The following CYRIB variants were observed in gnomAD, a reference collection of about 807,000 sequenced individuals.
CYRIB encodes CYFIP related Rac1 interactor B, also known as CYFIP-related Rac1 interactor B.
In CYRIB, 8 loss-of-function variants were observed where a neutral mutation model predicts 44.2. The ratio of observed to expected loss-of-function variants is 0.18; its 90% CI spans 0.11 to 0.33. CYRIB has a LOEUF of 0.33. CYRIB is among the 10% of genes least tolerant of loss of function. The probability of loss-of-function intolerance (pLI) is 1.00; values close to 1 mark genes in which losing one functional copy is unlikely to be tolerated. For missense variants in CYRIB, 185 were observed against 382.8 expected, an observed-to-expected ratio of 0.48 and a Z score of 4.31; for synonymous variants, 131 against 127.2, an observed-to-expected ratio of 1.03 and a Z score of -0.20.
At chr8:129,916,085 C>G (rs1197423985) in intron 1 of CYRIB, among the ~76,000 whole-genome samples, 1 of 152,106 alleles carries the variant, frequency 6.6e-6, no homozygotes, top group Non-Finnish European at 1.5e-5. Context: ...AAAGTTGAGA[C>G]CCAGAAAGGT....
chr8:129,848,892 G>C (rs1408473619), intron 10 of CYRIB, among the ~76,000 whole-genome samples: 1 of 152,136 alleles, frequency 6.6e-6, no homozygotes. Context: ...CTTTTTATAT[G>C]CATTCTGAAA....
intron 9 of CYRIB, chr8:129,850,189 T>A (rs1043803339): frequency 2.0e-5 from 3 of 152,560 alleles, no homozygotes; most frequent in African/African-American, 7.2e-5. Flanking sequence ...CTTTGGACCA[T>A]CATATATGTG....
At chr8:129,913,898 C>T (rs544038642) in intron 1 of CYRIB, among the ~76,000 whole-genome samples, 2 of 152,276 alleles carry the variant, frequency 1.3e-5, no homozygotes, top group South Asian at 4.1e-4. Flanking sequence ...CATAAATACA[C>T]TTTTTCTAAA....
At chr8:129,873,994 C>T (rs2058273939) in intron 3 of CYRIB, among the ~76,000 whole-genome samples, 1 of 151,906 alleles carries the variant, frequency 6.6e-6, no homozygotes, top group African/African-American at 2.4e-5. Flanking sequence ...GTAAGCACTA[C>T]TTTACTGAAA....
chr8:129,978,408 G>A (rs2096057157), intron 1 of CYRIB, among the ~76,000 whole-genome samples: 1 of 152,182 alleles, frequency 6.6e-6, no homozygotes, highest in Non-Finnish European at 1.5e-5. Flanking sequence ...TGAACTTGTA[G>A]GAAAAACTGC....
At chr8:129,920,601 A>C (rs1324739293) in intron 1 of CYRIB, among the ~76,000 whole-genome samples, 5 of 152,156 alleles carry the variant, frequency 3.3e-5, no homozygotes, top group Admixed American at 3.3e-4. Flanking sequence ...AGACTTCCAT[A>C]TCATCAGTAA....
At chr8:129,907,340 C>T (rs2075917922) in intron 1 of CYRIB, among the ~76,000 whole-genome samples, 1 of 149,548 alleles carries the variant, frequency 6.7e-6, no homozygotes, top group South Asian at 2.1e-4. Context: ...AGCAACCTAT[C>T]GCAGAACAAA....
In CYRIB at chr8:129,906,054, C is replaced by A. The variant is rs181148615; in HGVS notation, c.-49-2704G>T. On this transcript the variant is annotated intron_variant, in intron 1 of 11. Coordinates refer to ENST00000519824, the Ensembl canonical transcript of CYRIB. ...AGGTAATTTATAGATTCAATGCCAT[C>A]CCCATCAAGCTACCAATGACTTTCT... 4.5e-4 allele frequency among the ~76,000 whole-genome samples: 69 copies of A among 152,124 alleles called. No individual in the cohort carries two copies. The South Asian group carries it at 1.0e-2, about 22-fold the overall frequency.
At chr8:129,941,317 A>C (rs2093682642), upstream of CYRIB, among the ~76,000 whole-genome samples, 1 of 131,902 alleles carries the variant, frequency 7.6e-6, no homozygotes, top group Non-Finnish European at 1.5e-5. Flanking sequence ...GCTGTCACCC[A>C]GGCTGGAGTA....
At chr8:129,926,352 C>T (rs766552969) in intron 1 of CYRIB, among the ~76,000 whole-genome samples, 2 of 152,162 alleles carry the variant, frequency 1.3e-5, no homozygotes, top group African/African-American at 2.4e-5. Flanking sequence ...AAACACATTA[C>T]CTTTTTCAAG....
chr8:129,910,969 GT>G (rs943372149), intron 1 of CYRIB, among the ~76,000 whole-genome samples: 2 of 152,176 alleles, frequency 1.3e-5, no homozygotes, highest in Non-Finnish European at 2.9e-5. Context: ...CTCTCCCATT[GT>G]TTTGTTAACT....
chr8:129,866,724 C>G (rs2053842435), intron 4 of CYRIB, among the ~76,000 whole-genome samples: 1 of 152,216 alleles, frequency 6.6e-6, no homozygotes, highest in Non-Finnish European at 1.5e-5. Context: ...TAAAAATGCT[C>G]TAGCAAATGT....
chr8:129,986,235 A>G, intron 1 of CYRIB, among the ~76,000 whole-genome samples: 1 of 152,204 alleles, frequency 6.6e-6, no homozygotes, highest in Admixed American at 6.5e-5. Flanking sequence ...AGGAAGAGAG[A>G]GGGGAAGCAG....
chr8:129,922,603 C>T (rs2084313069), intron 1 of CYRIB, among the ~76,000 whole-genome samples: 2 of 152,204 alleles, frequency 1.3e-5, no homozygotes, highest in African/African-American at 2.4e-5. Context: ...GTGGCTCACG[C>T]CTGTAATCCC....
chr8:129,951,624 T>C (rs1248461772), intron 2 of CYRIB, among the ~76,000 whole-genome samples: 1 of 151,224 alleles, frequency 6.6e-6, no homozygotes, highest in Non-Finnish European at 1.5e-5. Flanking sequence ...GAGAATTGCT[T>C]GAACACGGGA....
chr8:129,850,195 A>T (rs1166039122), intron 9 of CYRIB: 2 of 152,662 alleles, frequency 1.3e-5, no homozygotes, highest in Non-Finnish European at 2.9e-5. Context: ...ACCATCATAT[A>T]TGTGGCCCAT....
At chr8:130,006,418 C>G (rs115915238) in intron 1 of CYRIB, among the ~76,000 whole-genome samples, 1,776 of 147,600 alleles carry the variant, frequency 0.012, 47 homozygotes, top group African/African-American at 0.042. Context: ...GAGAGTGAGT[C>G]CAGCTTGAGC....
chr8:129,989,712 G>A (rs1359755569), intron 1 of CYRIB, among the ~76,000 whole-genome samples: 1 of 148,972 alleles, frequency 6.7e-6, no homozygotes, highest in Non-Finnish European at 1.5e-5. Context: ...TGTTACATAT[G>A]TATACATGTG....
At chr8:130,000,645 C>T (rs1207613397) in intron 1 of CYRIB, among the ~76,000 whole-genome samples, 2 of 152,080 alleles carry the variant, frequency 1.3e-5, no homozygotes, top group Non-Finnish European at 2.9e-5. Flanking sequence ...TGAGCCAAGA[C>T]TGCACCACTG....
Sources: gnomAD v4.1 joint callset for allele counts (sites outside exome capture counted in the v4.1 genomes callset) on GRCh38, gnomAD v4.1.1 for gene constraint, MANE v1.5 for transcripts, NCBI Gene and HGNC (gene_info 2026-07-23, HGNC 2026-07-21) for gene names.